TULP4: variants seen among roughly 807,000 people sequenced by gnomAD.
The protein encoded by TULP4 is tubby-related protein 4.
Under a neutral mutation model 129.0 loss-of-function variants are expected in TULP4, and 16 were observed. That is an observed-to-expected ratio of 0.12 (90% CI 0.08 to 0.19). The LOEUF (loss-of-function observed/expected upper bound fraction) is 0.19. TULP4 is among the 10% of genes least tolerant of loss of function. The probability of loss-of-function intolerance (pLI) is 1.00; values close to 1 mark genes in which losing one functional copy is unlikely to be tolerated. For synonymous variants in TULP4, 998 were observed against 854.0 expected (o/e 1.17, Z -2.94); for missense variants, 1,842 against 2,059.1 (o/e 0.89, Z 2.04).
At position 158,493,780 on chromosome 6, in the gene TULP4, C is replaced by A; in HGVS notation, c.1776+63C>A. The A allele has an allele frequency of 6.8e-7, 1 of 1,468,628 alleles. No individual in the cohort carries two copies. The highest frequency in any genetic ancestry group is 1.4e-5 in the South Asian group (1 of 70,418). The allele number at this position is 1,468,628 out of a possible 1,614,324, so 91.0% of individuals were successfully genotyped here. A position where few individuals can be genotyped will look rare whatever the true frequency, so the allele number is the denominator to read the frequency against. On this transcript the variant is annotated intron_variant, in intron 10 of 13. Coordinates refer to ENST00000367097, the MANE Select transcript of TULP4 (RefSeq NM_020245.5). This position sits in a 1 kb window ranked among gnomAD's most constrained non-coding sequence, Gnocchi z 4.4. ...CCTGGGGGCTATGCCCAGAGGGCCCCTTCCTACCCGCCGCCTGCACTGCTC... is the reference window on the plus strand; with the variant it reads ...CCTGGGGGCTATGCCCAGAGGGCCCATTCCTACCCGCCGCCTGCACTGCTC...
intron 8 of TULP4, among the ~76,000 whole-genome samples, chr6:158,486,213 A>AG (rs1183338398): frequency 6.6e-6 from 1 of 152,060 alleles, no homozygotes; most frequent in Non-Finnish European, 1.5e-5. Flanking sequence ...TAGGACTTAC[A>AG]GGGGGGAGTT....
At chr6:158,434,464 C>T (rs1158447358) in intron 3 of TULP4, among the ~76,000 whole-genome samples, 3 of 152,088 alleles carry the variant, frequency 2.0e-5, no homozygotes, top group Admixed American at 6.6e-5. Context: ...CCTAAGTTGA[C>T]GCAGAGTAAT....
rs200781119 is a variant in TULP4, at chr6:158,449,058, C to T, written c.606C>T (p.Ala202=). 1.2e-6 allele frequency: 2 copies of T among 1,613,872 alleles called. No individual in the cohort carries two copies. The highest frequency in any genetic ancestry group is 1.3e-5 in the African/African-American group (1 of 74,924). Reference sequence around the variant, plus strand: ...TGGATTGCCACGGCAGAATGCTGGCCCACGTCCTCTTGCACGAGTCAGACG... The same window carrying T: ...TGGATTGCCACGGCAGAATGCTGGCTCACGTCCTCTTGCACGAGTCAGACG... ...IVMDCHGRML[A]HVLLHESDGV... The change falls in exon 4 of 14, where the codon GCC becomes GCT. Residue 202 remains alanine (A), a synonymous_variant. Coordinates refer to ENST00000367097, the MANE Select transcript of TULP4 (RefSeq NM_020245.5).
At chr6:158,394,253 G>A (rs1777654999) in intron 1 of TULP4, among the ~76,000 whole-genome samples, 1 of 152,122 alleles carries the variant, frequency 6.6e-6, no homozygotes, top group Non-Finnish European at 1.5e-5. Flanking sequence ...GACAACCTCA[G>A]CCTGGATTTT....
At position 158,479,844 on chromosome 6, in the gene TULP4, G is replaced by A. The variant is rs749598254; in HGVS notation, c.1120G>A (p.Val374Met). 39 of 1,613,912 alleles carry A rather than the reference G, an allele frequency of 2.4e-5. No individual in the cohort carries two copies. Among genetic ancestry groups the A allele is most frequent in the Non-Finnish European group, 3.1e-5 (37 of 1,180,036 alleles). The change falls in exon 7 of 14, where the codon GTG becomes ATG. Residue 374 changes from valine (V) to methionine (M), a missense_variant. Transcript: ENST00000367097. ...GTACGTGGTGCGTGTGGAGCACCGGGTGTCCAGCCTGCAGCTGCTGTGCCA... is the reference window on the plus strand; with the variant it reads ...GTACGTGGTGCGTGTGGAGCACCGGATGTCCAGCCTGCAGCTGCTGTGCCA... Reference protein sequence around the residue: ...ALYVVRVEHRVSSLQLLCQQA... With the variant: ...ALYVVRVEHRMSSLQLLCQQA...
At chr6:158,327,695 A>AG (rs1779776209) in intron 1 of TULP4, among the ~76,000 whole-genome samples, 1 of 150,626 alleles carries the variant, frequency 6.6e-6, no homozygotes, top group Admixed American at 6.6e-5. Flanking sequence ...TCCATGCATT[A>AG]GATCTGCTTT....
chr6:158,378,485 T>TTTTTTTTTTTG lies in TULP4; in HGVS notation c.253-34580_253-34579insTTTTTTTTTTG, dbSNP rs1554285635. Among the ~76,000 whole-genome samples, 42 of 51,402 alleles carry TTTTTTTTTTTG rather than the reference T, an allele frequency of 8.2e-4. 1 individual carries two copies. The highest frequency in any genetic ancestry group is 3.2e-3 in the South Asian group (5 of 1,562). The allele number at this position is 51,402 out of a possible 152,430, so 33.7% of individuals were successfully genotyped here. A position where few individuals can be genotyped will look rare whatever the true frequency, so the allele number is the denominator to read the frequency against. ...CCAGTTTTTTTTTTTTTTTTTTTTT[T>TTTTTTTTTTTG]GGTGGGGGTGGGGGTGGGAGATGGA... is the stretch of plus-strand genomic sequence containing the variant. On this transcript the variant is annotated intron_variant, in intron 1 of 13. Coordinates refer to ENST00000367097, the MANE Select transcript of TULP4 (RefSeq NM_020245.5).
intron 1 of TULP4, among the ~76,000 whole-genome samples, chr6:158,411,138 A>AG (rs943024940): frequency 2.0e-5 from 3 of 152,082 alleles, no homozygotes; most frequent in African/African-American, 7.2e-5. Flanking sequence ...AAAAAAAAAA[A>AG]AAAAAAAGTA....
At chr6:158,364,683 CTTTATCCTTAATGT>C (rs1008283601) in intron 1 of TULP4, among the ~76,000 whole-genome samples, 2 of 152,132 alleles carry the variant, frequency 1.3e-5, no homozygotes, top group African/African-American at 4.8e-5. Flanking sequence ...AAGGTTTTCT[CTTTATCCTTAATGT>C]TTTGCAGCCT....
chr6:158,394,565 C>T (rs917577270), intron 1 of TULP4, among the ~76,000 whole-genome samples: 10 of 151,728 alleles, frequency 6.6e-5, no homozygotes, highest in Admixed American at 3.3e-4. Flanking sequence ...GGGCAGATCA[C>T]GAAGTCAGGA....
chr6:158,415,349 CTTTTT>C (rs561619354), intron 2 of TULP4, among the ~76,000 whole-genome samples: 2 of 130,612 alleles, frequency 1.5e-5, no homozygotes, highest in Non-Finnish European at 1.6e-5. Flanking sequence ...GAGTGTGCTT[CTTTTT>C]TTTTTTTTTT....
intron 7 of TULP4, among the ~76,000 whole-genome samples, chr6:158,480,314 T>C (rs1192044532): frequency 6.6e-6 from 1 of 152,240 alleles, no homozygotes; most frequent in Non-Finnish European, 1.5e-5. Context: ...TCTTGTTCAG[T>C]CCTGACTTCC....
At chr6:158,312,273 T>C (rs1779372774), upstream of TULP4, 1 of 396,690 alleles carries the variant, frequency 2.5e-6, no homozygotes, top group Non-Finnish European at 4.4e-6. Flanking sequence ...ATGGAGCAAC[T>C]TGACACCAGT....
intron 6 of TULP4, among the ~76,000 whole-genome samples, chr6:158,472,776 G>C (rs1779720039): frequency 1.3e-5 from 2 of 152,198 alleles, no homozygotes; most frequent in Admixed American, 1.3e-4. Context: ...CTTTAAAATT[G>C]ATTCTCCTGA....
chr6:158,258,745 T>C (rs1368485405), intron 1 of TULP4, among the ~76,000 whole-genome samples: 5 of 152,224 alleles, frequency 3.3e-5, no homozygotes. Context: ...CCTTCAAGAT[T>C]GAAAATTTGA....
chr6:158,383,066 G>A (rs1777365589), intron 1 of TULP4, among the ~76,000 whole-genome samples: 1 of 152,234 alleles, frequency 6.6e-6, no homozygotes, highest in Admixed American at 6.5e-5. Context: ...TGCTGGAGCA[G>A]TCTGACAAAT....
At chr6:158,289,567 T>A (rs1304047033) in intron 1 of TULP4, among the ~76,000 whole-genome samples, 3 of 152,270 alleles carry the variant, frequency 2.0e-5, no homozygotes, top group South Asian at 4.1e-4. Flanking sequence ...TAACATAAGT[T>A]GTTGTTGTTG....
intron 1 of TULP4, among the ~76,000 whole-genome samples, chr6:158,277,216 C>T (rs547765847): frequency 6.6e-6 from 1 of 152,216 alleles, no homozygotes. Context: ...GCTGGGATTA[C>T]AGGCGTGAGC....
intron 1 of TULP4, among the ~76,000 whole-genome samples, chr6:158,392,596 A>G (rs1583828631): frequency 6.6e-6 from 1 of 152,050 alleles, no homozygotes. Flanking sequence ...GTGTCAGCAG[A>G]TATCTGCTCA....
Sources: gnomAD v4.1 joint callset for allele counts (sites outside exome capture counted in the v4.1 genomes callset) on GRCh38, gnomAD v4.1.1 for gene constraint, Gnocchi (gnomAD v3.1) non-coding constraint, MANE v1.5 for transcripts, NCBI Gene and HGNC (gene_info 2026-07-23, HGNC 2026-07-21) for gene names.